The following SFXN1 variants were observed in gnomAD, a reference collection of about 807,000 sequenced individuals.
SFXN1 encodes sideroflexin-1.
SFXN1 carries 32 observed loss-of-function variants against 39.5 expected under a neutral mutation model. The observed-to-expected ratio is 0.81, with a 90% CI of 0.61 to 1.09. The LOEUF is 1.09. SFXN1 is among the 50% of genes least tolerant of loss of function. The pLI is 0.00. For missense variants in SFXN1, 402 were observed against 407.1 expected, an observed-to-expected ratio of 0.99 and a Z score of 0.11; for synonymous variants, 136 against 146.5, an observed-to-expected ratio of 0.93 and a Z score of 0.52.
At chr5:175,521,616 T>C (rs1365875083) in intron 8 of SFXN1, among the ~76,000 whole-genome samples, 1 of 152,164 alleles carries the variant, frequency 6.6e-6, no homozygotes, top group Non-Finnish European at 1.5e-5. Context: ...AGGGGATTCA[T>C]TACAATTAAA....
intron 5 of SFXN1, 71 bp from the exon 6 acceptor site, chr5:175,512,040 A>G: frequency 3.6e-6 from 5 of 1,393,730 alleles, no homozygotes; most frequent in Non-Finnish European, 4.0e-6. Flanking sequence ...GTTTTCAAGA[A>G]GAAATAAGTT....
At chr5:175,490,031 G>GT (rs1358741599) in intron 1 of SFXN1, among the ~76,000 whole-genome samples, 1 of 152,112 alleles carries the variant, frequency 6.6e-6, no homozygotes, top group East Asian at 1.9e-4. Flanking sequence ...CCACATCCCT[G>GT]TTTCCTTGGA....
At chr5:175,521,839 G>A in intron 8 of SFXN1, 80 bp from the exon 9 acceptor site, 1 of 1,121,456 alleles carries the variant, frequency 8.9e-7, no homozygotes. Context: ...GTGGTGAGAG[G>A]TTCCTTCCAG....
chr5:175,509,310 GA>G, intron 3 of SFXN1, 108 bp downstream of exon 3: 1 of 1,125,170 alleles, frequency 8.9e-7, no homozygotes, highest in East Asian at 2.7e-5. Context: ...ATAAGTATAT[GA>G]AGTGACAAAC....
chr5:175,503,744 C>T (rs2644672), intron 2 of SFXN1, among the ~76,000 whole-genome samples: 46,614 of 151,718 alleles, frequency 0.31, 8,861 homozygotes, highest in African/African-American at 0.55. Context: ...GGCTCACGCC[C>T]ATAATCCCAA....
rs1477205928 is a variant in SFXN1 at position 175,507,973 on chromosome 5, T to TAAAATAAAAA, written c.165-1055_165-1054insTAAAAAAAAA. Among the ~76,000 whole-genome samples, 27 of 124,338 alleles carry TAAAATAAAAA rather than the reference T, an allele frequency of 2.2e-4. 1 individual carries two copies. Among genetic ancestry groups the TAAAATAAAAA allele is most frequent in the African/African-American group, 8.4e-4 (27 of 32,038 alleles). The allele number at this position is 124,338 out of a possible 152,430, so 81.6% of individuals were successfully genotyped here. A position where few individuals can be genotyped will look rare whatever the true frequency, so the allele number is the denominator to read the frequency against. On this transcript the variant is annotated intron_variant, in intron 2 of 10. Transcript: ENST00000321442. ...GGGTGACAGAGTGAGACCCTGTCTT[T>TAAAATAAAAA]AAAAAAAAAAAAAAAAAAATTCTTC...
intron 6 of SFXN1, among the ~76,000 whole-genome samples, chr5:175,512,663 A>T (rs1760562793): frequency 6.6e-6 from 1 of 152,214 alleles, no homozygotes; most frequent in Non-Finnish European, 1.5e-5. Flanking sequence ...GAGAAGAAAG[A>T]ACAACAAAAG....
intron 7 of SFXN1, 36 bp from the exon 8 acceptor site, chr5:175,516,578 A>T: frequency 1.3e-6 from 2 of 1,573,204 alleles, no homozygotes; most frequent in Non-Finnish European, 1.7e-6. Context: ...AATTGGCATT[A>T]AATAAAGATT....
rs370574015 is a variant in SFXN1, at chr5:175,492,189, T to G, written c.86T>G (p.Phe29Cys). The G allele has an allele frequency of 7.0e-5, 113 of 1,614,018 alleles. No homozygotes were observed. Among genetic ancestry groups the G allele is most frequent in the Non-Finnish European group, 9.3e-5 (110 of 1,180,026 alleles). ...STFIGRANHF[F>C]TVTDPRNILL... ...TTCATTGGACGAGCCAATCATTTCT[T>G]CACTGTAACTGACCCCAGGAACATT... The change falls in exon 2 of 11, where the codon TTC becomes TGC. Residue 29 changes from phenylalanine (F) to cysteine (C), a missense_variant. By Grantham distance (205) the Phe-to-Cys change is radical (BLOSUM62 -2). Transcript: ENST00000321442.
At chr5:175,526,112 A>T (rs950834369) in intron 10 of SFXN1, 2 of 150,162 alleles carry the variant, frequency 1.3e-5, no homozygotes, top group African/African-American at 2.5e-5. Context: ...CAGCGGGATT[A>T]TAAATGTTTT....
chr5:175,510,163 C>T lies in SFXN1; in HGVS notation c.390C>T (p.Val130=), dbSNP rs146805862. Residue 130 remains valine, a synonymous_variant, in exon 4 of 11, where the codon GTC becomes GTT. Coordinates refer to ENST00000321442, the MANE Select transcript of SFXN1 (RefSeq NM_022754.7). The part of the protein sequence containing the change: ...WQWINQSFNA[V]VNYTNRSGDA... ...GGATTAACCAGTCCTTCAATGCCGT[C>T]GTCAATTACACCAACAGAAGTGGAG... The T allele has an allele frequency of 1.9e-6, 3 of 1,613,270 alleles. No individual in the cohort carries two copies. Among genetic ancestry groups the T allele is most frequent in the South Asian group, 2.2e-5 (2 of 90,806 alleles).
intron 2 of SFXN1, among the ~76,000 whole-genome samples, chr5:175,500,759 A>G (rs988897613): frequency 2.0e-5 from 3 of 152,238 alleles, no homozygotes; most frequent in Non-Finnish European, 2.9e-5. Context: ...ACAGTTTAGC[A>G]TTGTTGTAAG....
At chr5:175,505,795 G>A (rs1270227878) in intron 2 of SFXN1, among the ~76,000 whole-genome samples, 3 of 152,008 alleles carry the variant, frequency 2.0e-5, no homozygotes, top group Non-Finnish European at 4.4e-5. Flanking sequence ...CCAGCCAAAA[G>A]AGAAAGTTAA....
At chr5:175,513,707 G>T in intron 7 of SFXN1, 117 bp downstream of exon 7, 1 of 1,097,974 alleles carries the variant, frequency 9.1e-7, no homozygotes, top group Non-Finnish European at 1.3e-6. Flanking sequence ...CCTTCCACTG[G>T]GGGTGGCAGA....
chr5:175,485,145 G>T (rs1212387728), intron 1 of SFXN1, among the ~76,000 whole-genome samples: 1 of 152,196 alleles, frequency 6.6e-6, no homozygotes, highest in African/African-American at 2.4e-5. Context: ...TTAATTCTGG[G>T]TGCAGAGGAA....
intron 3 of SFXN1, 68 bp downstream of exon 3, chr5:175,509,270 A>G: frequency 3.4e-5 from 50 of 1,469,356 alleles, no homozygotes; most frequent in Non-Finnish European, 4.5e-5. Context: ...TTTTGTATGT[A>G]AATAATTTTG....
chr5:175,509,792 G>A (rs553494391), intron 3 of SFXN1, among the ~76,000 whole-genome samples: 2 of 152,288 alleles, frequency 1.3e-5, no homozygotes, highest in East Asian at 3.9e-4. Flanking sequence ...CCTACAAATT[G>A]TATCTTTTTT....
chr5:175,526,600 G>A (rs374692605), intron 10 of SFXN1, 38 bp from the exon 11 acceptor site: 15 of 1,551,540 alleles, frequency 9.7e-6, no homozygotes, highest in African/African-American at 1.4e-5. Context: ...TCTCACCTCT[G>A]CCTGTGTAAT....
chr5:175,499,204 G>T (rs1445508782), intron 2 of SFXN1, among the ~76,000 whole-genome samples: 1 of 151,666 alleles, frequency 6.6e-6, no homozygotes, highest in Non-Finnish European at 1.5e-5. Flanking sequence ...GCAGTGAGCC[G>T]AGATGGCACC....
Sources: allele counts gnomAD v4.1 joint callset (sites outside exome capture counted in the v4.1 genomes callset), GRCh38; gene constraint gnomAD v4.1.1; transcripts MANE v1.5; gene names NCBI Gene and HGNC (gene_info 2026-07-23, HGNC 2026-07-21).